Variants in MAP3K4 observed in about 807,000 individuals in gnomAD.
MAP3K4 encodes the protein MAP three kinase 1.
In MAP3K4, 67 loss-of-function variants were observed where a neutral mutation model predicts 185.6. That is an observed-to-expected ratio of 0.36 (90% CI 0.30 to 0.44). The LOEUF (loss-of-function observed/expected upper bound fraction) is 0.44, where lower values mean the gene tolerates loss of function less well. Ranked by LOEUF, MAP3K4 falls within the 20% of genes least tolerant of loss-of-function variation. The pLI is 1.00. For missense variants in MAP3K4, 1,551 were observed against 1,995.1 expected (o/e 0.78, Z 4.24); for synonymous variants, 702 against 710.4 (o/e 0.99, Z 0.19).
chr6:161,004,101 G>T (rs745865619), intron 1 of MAP3K4, among the ~76,000 whole-genome samples: 2 of 67,030 alleles, frequency 3.0e-5, no homozygotes, highest in East Asian at 2.8e-4. Flanking sequence ...CTGTAAGTCC[G>T]GAATATGTCC....
At position 161,017,812 on chromosome 6, in the gene MAP3K4, A is replaced by G. The variant is rs549528279; in HGVS notation, c.153-16447A>G. Among the ~76,000 whole-genome samples the G allele has an allele frequency of 6.6e-6, 1 of 152,276 alleles. No homozygotes were observed. Among genetic ancestry groups the G allele is most frequent in the South Asian group, 2.1e-4 (1 of 4,824 alleles). On this transcript the variant is annotated intron_variant, in intron 1 of 26. Transcript: ENST00000392142. This position sits in a 1 kb window ranked among gnomAD's most constrained non-coding sequence, Gnocchi z 5.1. ...CTACATCATGTAATCAGTCACTTTG[A>G]AGGTTGAAGGTCAAGTACTGGTTTT...
chr6:161,080,673 C>T lies in MAP3K4; in HGVS notation c.2098-208C>T. ...GGGTTGTCAATAATATGTTAAATTG[C>T]TGGGGAGTTAGTTTTGTGATTTTTT... On this transcript the variant is annotated intron_variant, in intron 5 of 26. Transcript: ENST00000392142. The surrounding 1 kb of genome is among the most constrained non-coding windows in gnomAD (Gnocchi z 4.8). 9.8e-6 allele frequency: 5 copies of T among 507,634 alleles called. No individual in the cohort carries two copies. In the South Asian group the frequency reaches 1.2e-4, roughly 12 times the overall value. The allele number at this position is 507,634 out of a possible 1,614,324, so 31.4% of individuals were successfully genotyped here. A position where few individuals can be genotyped will look rare whatever the true frequency, so the allele number is the denominator to read the frequency against.
At position 161,007,567 on chromosome 6, in the gene MAP3K4, CAT is replaced by C. The variant is rs1407967369; in HGVS notation, c.152+15486_152+15487del. ...GCCCAACTCATTCTGTCCTTTATAA[CAT>C]AGAATATTTTCATTTGTATTAAATA... On this transcript the variant is annotated intron_variant, in intron 1 of 26. Coordinates refer to ENST00000392142, the MANE Select transcript of MAP3K4 (RefSeq NM_005922.4). This position sits in a 1 kb window ranked among gnomAD's most constrained non-coding sequence, Gnocchi z 4.5. 6.6e-6 allele frequency among the ~76,000 whole-genome samples: 1 copy of C among 152,120 alleles called. No individual in the cohort carries two copies. Among genetic ancestry groups the C allele is most frequent in the Non-Finnish European group, 1.5e-5 (1 of 68,014 alleles).
At position 161,087,643 on chromosome 6, in the gene MAP3K4, C is replaced by T; in HGVS notation, c.2557-45C>T. 8.8e-6 allele frequency: 14 copies of T among 1,599,156 alleles called. No homozygotes were observed. The highest frequency in any genetic ancestry group is 1.2e-5 in the Non-Finnish European group (14 of 1,171,904). On this transcript the variant is annotated intron_variant, in intron 9 of 26. Transcript: ENST00000392142. This position sits in a 1 kb window ranked among gnomAD's most constrained non-coding sequence, Gnocchi z 4.9. ...GGTTTGTTTTAAATAACCTATTTCT[C>T]TAATGTACAGTGTTCCTTAAGATTT...
chr6:161,041,384 T>TC (rs1783442815), intron 2 of MAP3K4, among the ~76,000 whole-genome samples: 1 of 152,116 alleles, frequency 6.6e-6, no homozygotes, highest in Non-Finnish European at 1.5e-5. Flanking sequence ...CCCTGGTCCT[T>TC]CCCCTAACCC....
chr6:160,997,749 A>G (rs1477496692), intron 1 of MAP3K4, among the ~76,000 whole-genome samples: 2 of 152,172 alleles, frequency 1.3e-5, no homozygotes, highest in Non-Finnish European at 1.5e-5. Context: ...TCTTGACTCA[A>G]ACTACATGGT....
chr6:161,073,875 C>G lies in MAP3K4; in HGVS notation c.2097+263C>G, dbSNP rs1400318656. 2.0e-5 allele frequency among the ~76,000 whole-genome samples: 3 copies of G among 152,098 alleles called. No homozygotes were observed. Among genetic ancestry groups the G allele is most frequent in the African/African-American group, 4.8e-5 (2 of 41,404 alleles). ...CTGAAATCCACATTTAAAAAATTCT[C>G]AATTGTTTTTAAGTTGGAAGTTTTT... On this transcript the variant is annotated intron_variant, in intron 5 of 26. Transcript: ENST00000392142. The surrounding 1 kb of genome is among the most constrained non-coding windows in gnomAD (Gnocchi z 4.2).
rs1482324331 is a variant in MAP3K4 at position 161,061,444 on chromosome 6, A to G, written c.1708-9164A>G. The stretch of plus-strand genomic sequence containing the variant: ...TTTTCTACTTTATTTCCAAAATAAT[A>G]GCTTTATTGAGATATAATTCACTTA... On this transcript the variant is annotated intron_variant, in intron 3 of 26. Transcript: ENST00000392142. The surrounding 1 kb of genome is among the most constrained non-coding windows in gnomAD (Gnocchi z 4.2). Among the ~76,000 whole-genome samples the G allele has an allele frequency of 6.6e-6, 1 of 152,250 alleles. No individual in the cohort carries two copies. Among genetic ancestry groups the G allele is most frequent in the Admixed American group, 6.5e-5 (1 of 15,294 alleles).
In MAP3K4 at chr6:161,092,963, T is replaced by A. The variant is rs755895843; in HGVS notation, c.3270-15T>A. 7 of 1,590,270 alleles carry A rather than the reference T, an allele frequency of 4.4e-6. No homozygotes were observed. Among genetic ancestry groups the A allele is most frequent in the Admixed American group, 1.7e-5 (1 of 59,894 alleles). ...CTTGGTTGTTATGTGATTACTGAAC[T>A]TTTTCGTGTACCAGGTGGGCGACTC... On this transcript the variant is annotated splice_polypyrimidine_tract_variant and intron_variant, in intron 13 of 26. Transcript: ENST00000392142.
In MAP3K4 at chr6:161,091,798, C is replaced by T. The variant is rs1256788936; in HGVS notation, c.3136-212C>T. On this transcript the variant is annotated intron_variant, in intron 12 of 26. Coordinates refer to ENST00000392142, the MANE Select transcript of MAP3K4 (RefSeq NM_005922.4). This position sits in a 1 kb window ranked among gnomAD's most constrained non-coding sequence, Gnocchi z 5.5. ...AGAGATGTTTTATGTCATAAAAGCACATTCTTAATTTAAACTCAGGAGTAA... is the reference window on the plus strand; with the variant it reads ...AGAGATGTTTTATGTCATAAAAGCATATTCTTAATTTAAACTCAGGAGTAA... 6.6e-6 allele frequency among the ~76,000 whole-genome samples: 1 copy of T among 152,208 alleles called. No individual in the cohort carries two copies. The highest frequency in any genetic ancestry group is 1.5e-5 in the Non-Finnish European group (1 of 68,036).
chr6:161,027,172 T>G (rs1436523178), intron 1 of MAP3K4, among the ~76,000 whole-genome samples: 1 of 152,210 alleles, frequency 6.6e-6, no homozygotes, highest in Non-Finnish European at 1.5e-5. Flanking sequence ...GCATCATGAA[T>G]GCGGATAGCT....
chr6:161,102,925 A>G, intron 19 of MAP3K4, 146 bp downstream of exon 19: 3 of 582,190 alleles, frequency 5.2e-6, no homozygotes, highest in Non-Finnish European at 9.1e-6. Context: ...CAGCTCTGAC[A>G]TCACTTTCTA....
In MAP3K4 at chr6:161,108,790, C is replaced by T. The variant is rs1273218433; in HGVS notation, c.4167C>T (p.Asp1389=). 3 of 1,613,968 alleles carry T rather than the reference C, an allele frequency of 1.9e-6. No individual in the cohort carries two copies. Among genetic ancestry groups the T allele is most frequent in the South Asian group, 2.2e-5 (2 of 91,076 alleles). The part of the protein sequence containing the change: ...NDHKTIKETA[D]ELKIFEGIKH... ...ATAAGACTATCAAGGAAACTGCAGA[C>T]GAATTGAAAATATTCGAAGGCATCA... The change falls in exon 22 of 27, where the codon GAC becomes GAT. Residue 1389 remains aspartate (D), a synonymous_variant. Transcript: ENST00000392142. This position sits in a 1 kb window ranked among gnomAD's most constrained non-coding sequence, Gnocchi z 5.7.
Position 161,070,674 on chromosome 6 carries a change from T to C in MAP3K4, c.1774T>C (p.Ser592Pro). ...GCAGTTGTCAAGGACACCACCTTCA[T>C]CTGAGGAGAAATGCAGTGCTGTGTC... ...YVQLSRTPPS[S>P]EEKCSAVSWE... is the part of the protein sequence containing the mutation. The change falls in exon 4 of 27, where the codon TCT becomes CCT. Residue 592 changes from serine to proline, a missense_variant. Around this residue, in one of 16 missense-constraint regions of MAP3K4, gnomAD observed 86 missense variants for 81.6 expected, o/e 1.05. Coordinates refer to ENST00000392142, the MANE Select transcript of MAP3K4 (RefSeq NM_005922.4). This position sits in a 1 kb window ranked among gnomAD's most constrained non-coding sequence, Gnocchi z 4.5. 6.2e-7 allele frequency: 1 copy of C among 1,614,096 alleles called. No individual in the cohort carries two copies. Among genetic ancestry groups the C allele is most frequent in the Non-Finnish European group, 8.5e-7 (1 of 1,179,998 alleles).
In MAP3K4 at chr6:161,075,789, AT is replaced by A. The variant is rs1785147297; in HGVS notation, c.2097+2179del. On this transcript the variant is annotated intron_variant, in intron 5 of 26. Transcript: ENST00000392142. The surrounding 1 kb of genome is among the most constrained non-coding windows in gnomAD (Gnocchi z 4.3). ...GAAAGGCTTAGAGTTTAGTTTTGGC[AT>A]TACTGTCAATTATCCACATCTCTCT... Among the ~76,000 whole-genome samples the A allele has an allele frequency of 2.0e-5, 3 of 152,206 alleles. No homozygotes were observed. The highest frequency in any genetic ancestry group is 2.9e-5 in the Non-Finnish European group (2 of 68,052).
At chr6:161,032,881 C>G (rs186050536) in intron 1 of MAP3K4, among the ~76,000 whole-genome samples, 1 of 152,154 alleles carries the variant, frequency 6.6e-6, no homozygotes, top group Non-Finnish European at 1.5e-5. Flanking sequence ...TGTGTGTACA[C>G]ATATGTTTAG....
At chr6:160,995,243 A>T (rs184016853) in intron 1 of MAP3K4, among the ~76,000 whole-genome samples, 86 of 152,328 alleles carry the variant, frequency 5.6e-4, no homozygotes, top group African/African-American at 1.9e-3. Flanking sequence ...AATGTGTGAA[A>T]TGCCACCTTT....
rs377717939 is a variant in MAP3K4, at chr6:161,008,805, T to C, written c.152+16722T>C. Among the ~76,000 whole-genome samples the C allele has an allele frequency of 6.6e-5, 10 of 152,292 alleles. No individual in the cohort carries two copies. The East Asian group carries it at 1.4e-3, about 21-fold the overall frequency. ...TTACTGATATTTTACATCTACTACT[T>C]TCACTCAGCATGGTGCTTGTGAGGT... is the stretch of plus-strand genomic sequence containing the variant. On this transcript the variant is annotated intron_variant, in intron 1 of 26. Transcript: ENST00000392142. This position sits in a 1 kb window ranked among gnomAD's most constrained non-coding sequence, Gnocchi z 4.1.
At chr6:161,010,829 A>G (rs1781810531) in intron 1 of MAP3K4, among the ~76,000 whole-genome samples, 1 of 152,228 alleles carries the variant, frequency 6.6e-6, no homozygotes, top group African/African-American at 2.4e-5. Context: ...TTTTGAGTTA[A>G]GGTTAATTAA....
Sources: allele counts gnomAD v4.1 joint callset (sites outside exome capture counted in the v4.1 genomes callset), GRCh38; gene constraint gnomAD v4.1.1; regional missense constraint gnomAD v4.1.1; non-coding constraint Gnocchi (gnomAD v3.1); transcripts MANE v1.5; gene names NCBI Gene and HGNC (gene_info 2026-07-23, HGNC 2026-07-21).